CDH2: variants seen among roughly 807,000 people sequenced by gnomAD.
CDH2 encodes the protein cadherin-2.
CDH2 carries 17 observed loss-of-function variants against 92.0 expected under a neutral mutation model. The observed-to-expected ratio is 0.18, with a 90% CI of 0.13 to 0.28. The LOEUF is 0.28. Among genes scored for constraint, CDH2 ranks in the 10% least tolerant of loss-of-function variants. CDH2 has a pLI of 1.00. For synonymous variants in CDH2, 419 were observed against 415.9 expected (o/e 1.01, Z -0.09); for missense variants, 862 against 1,133.1 (o/e 0.76, Z 3.44).
chr18:27,998,869 C>T (rs749574816), intron 7 of CDH2, among the ~76,000 whole-genome samples: 8 of 152,214 alleles, frequency 5.3e-5, no homozygotes, highest in Non-Finnish European at 8.8e-5. Flanking sequence ...ATCTGCCTGC[C>T]TTGAGTGCTG....
chr18:28,151,523 G>A (rs181839150), intron 1 of CDH2, among the ~76,000 whole-genome samples: 68 of 152,246 alleles, frequency 4.5e-4, no homozygotes, highest in African/African-American at 1.6e-3. Flanking sequence ...TGAAAAAGAG[G>A]TATCTACCTA....
chr18:28,128,342 C>A (rs1568009042), intron 2 of CDH2, among the ~76,000 whole-genome samples: 1 of 152,094 alleles, frequency 6.6e-6, no homozygotes. Flanking sequence ...ATTGTCTGTG[C>A]ACCTAAAATA....
intron 2 of CDH2, among the ~76,000 whole-genome samples, chr18:28,104,692 A>ATTATC (rs1555642207): frequency 6.7e-6 from 1 of 148,328 alleles, no homozygotes; most frequent in African/African-American, 2.5e-5. Context: ...ATGCAAATAC[A>ATTATC]TATCTATCTA....
At chr18:27,965,307 A>G (rs1186925211) in intron 14 of CDH2, among the ~76,000 whole-genome samples, 2 of 152,230 alleles carry the variant, frequency 1.3e-5, no homozygotes, top group Non-Finnish European at 2.9e-5. Flanking sequence ...ACATACGCTG[A>G]TGGAAAAGCT....
intron 2 of CDH2, among the ~76,000 whole-genome samples, chr18:28,035,530 T>C (rs1485964456): frequency 1.3e-5 from 2 of 152,102 alleles, no homozygotes; most frequent in Non-Finnish European, 2.9e-5. Context: ...CATTTAAGGA[T>C]GACTCATATT....
chr18:28,059,115 C>T (rs989924326), intron 2 of CDH2, among the ~76,000 whole-genome samples: 6 of 152,174 alleles, frequency 3.9e-5, no homozygotes, highest in Admixed American at 3.3e-4. Flanking sequence ...GTATGCTGTA[C>T]TTTCTCAAAA....
At chr18:28,087,786 T>C (rs2014961262) in intron 2 of CDH2, among the ~76,000 whole-genome samples, 1 of 148,686 alleles carries the variant, frequency 6.7e-6, no homozygotes, top group South Asian at 2.2e-4. Context: ...AAAGAATGAA[T>C]GAAAATAAAA....
intron 1 of CDH2, among the ~76,000 whole-genome samples, chr18:28,154,796 C>G (rs938452601): frequency 1.3e-5 from 2 of 152,148 alleles, no homozygotes; most frequent in African/African-American, 2.4e-5. Context: ...GTTGCCTTGT[C>G]TCCTCACTCT....
chr18:28,048,653 A>G (rs2014128428), intron 2 of CDH2, among the ~76,000 whole-genome samples: 1 of 152,210 alleles, frequency 6.6e-6, no homozygotes, highest in Admixed American at 6.5e-5. Context: ...TTTCTTTTCA[A>G]TAAATCTGAA....
At chr18:27,955,407 T>A (rs1441197699) in intron 15 of CDH2, among the ~76,000 whole-genome samples, 23 of 112,444 alleles carry the variant, frequency 2.0e-4, no homozygotes, top group East Asian at 5.2e-4. Flanking sequence ...AAAAAGAGAA[T>A]GACAAGTTAA....
intron 15 of CDH2, among the ~76,000 whole-genome samples, chr18:27,958,551 GTA>G (rs1368948893): frequency 2.7e-5 from 4 of 148,704 alleles, no homozygotes; most frequent in African/African-American, 9.9e-5. Flanking sequence ...ATAAATACGT[GTA>G]TATTTATATA....
intron 2 of CDH2, among the ~76,000 whole-genome samples, chr18:28,079,851 G>C (rs17535950): frequency 1.3e-5 from 2 of 152,250 alleles, no homozygotes; most frequent in East Asian, 3.9e-4. Flanking sequence ...TGTGACCATA[G>C]GGACTTAACT....
At chr18:28,160,188 A>G (rs1373862339) in intron 1 of CDH2, among the ~76,000 whole-genome samples, 1 of 151,816 alleles carries the variant, frequency 6.6e-6, no homozygotes, top group Non-Finnish European at 1.5e-5. Context: ...GGACCTCAGG[A>G]AAGACTATAG....
intron 3 of CDH2, 98 bp downstream of exon 3, chr18:28,013,585 G>A: frequency 2.5e-6 from 2 of 795,836 alleles, no homozygotes; most frequent in South Asian, 3.2e-5. Context: ...GCAAATAGTG[G>A]CCATCCATTA....
At chr18:28,103,566 T>C (rs1418995185) in intron 2 of CDH2, among the ~76,000 whole-genome samples, 6 of 151,694 alleles carry the variant, frequency 4.0e-5, no homozygotes, top group Non-Finnish European at 8.8e-5. Flanking sequence ...GTTTGTTACA[T>C]AGGTATACAC....
intron 14 of CDH2, among the ~76,000 whole-genome samples, chr18:27,978,731 C>T (rs768119689): frequency 1.6e-4 from 25 of 152,164 alleles, no homozygotes; most frequent in South Asian, 2.1e-4. Flanking sequence ...CAGCTCACTG[C>T]GGCCTCGACC....
intron 6 of CDH2, among the ~76,000 whole-genome samples, chr18:27,943,522 G>GT (rs1909192781): frequency 6.6e-6 from 1 of 152,202 alleles, no homozygotes; most frequent in African/African-American, 2.4e-5. Context: ...CCTTGCTGGG[G>GT]TAACGCTATT....
rs371057440 is a variant in CDH2 at position 28,143,556 on chromosome 18, C to G, written c.172+4117G>C. On this transcript the variant is annotated intron_variant, in intron 2 of 15. Transcript: ENST00000269141. ...TTATAAGGAGTTGCTTAACATATTC[C>G]CCAATTCGCAAACATATCTAGTTAA... is the stretch of plus-strand genomic sequence containing the variant. Among the ~76,000 whole-genome samples, 30 of 151,772 alleles carry G rather than the reference C, an allele frequency of 2.0e-4. No individual in the cohort carries two copies. The East Asian group carries it at 5.2e-3, about 27-fold the overall frequency.
rs150549253 is a variant in CDH2, at chr18:28,096,173, C to A, written c.172+51500G>T. On this transcript the variant is annotated intron_variant, in intron 2 of 15. Coordinates refer to ENST00000269141, the MANE Select transcript of CDH2 (RefSeq NM_001792.5). Reference sequence around the variant, plus strand: ...TATTACAGACTTTAAATTTTACAAACATAAAAACATATATAACTTGGAATG... The same window carrying A: ...TATTACAGACTTTAAATTTTACAAAAATAAAAACATATATAACTTGGAATG... 4.6e-5 allele frequency among the ~76,000 whole-genome samples: 7 copies of A among 152,124 alleles called. No individual in the cohort carries two copies. The East Asian group carries it at 1.4e-3, about 29-fold the overall frequency.
Sources: gnomAD v4.1 joint callset for allele counts (sites outside exome capture counted in the v4.1 genomes callset) on GRCh38, gnomAD v4.1.1 for gene constraint, MANE v1.5 for transcripts, NCBI Gene and HGNC (gene_info 2026-07-23, HGNC 2026-07-21) for gene names.